The following KLHL3 variants were observed in gnomAD, a reference collection of about 807,000 sequenced individuals.
KLHL3 encodes kelch like family member 3.
Under a neutral mutation model 70.5 loss-of-function variants are expected in KLHL3, and 19 were observed. The ratio of observed to expected loss-of-function variants is 0.27; its 90% CI spans 0.19 to 0.40. The LOEUF (loss-of-function observed/expected upper bound fraction) is 0.40. Ranked by LOEUF, KLHL3 falls within the 10% of genes least tolerant of loss-of-function variation. KLHL3 has a pLI of 1.00. For missense variants in KLHL3, 512 were observed against 771.1 expected, an observed-to-expected ratio of 0.66 and a Z score of 3.98; for synonymous variants, 258 against 290.3, an observed-to-expected ratio of 0.89 and a Z score of 1.13.
chr5:137,647,604 G>A, intron 8 of KLHL3: 1 of 472,454 alleles, frequency 2.1e-6, no homozygotes, highest in Non-Finnish European at 4.4e-6. Context: ...GCCAGGGCAG[G>A]AAGCGAGAGT....
chr5:137,677,729 G>A (rs1046414384), intron 5 of KLHL3, 75 bp from the exon 6 acceptor site: 9 of 918,322 alleles, frequency 9.8e-6, no homozygotes, highest in Non-Finnish European at 1.5e-5. Context: ...GACAATCTGT[G>A]GGATTCACAG....
chr5:137,724,018 G>A (rs1580788214), intron 1 of KLHL3, among the ~76,000 whole-genome samples: 1 of 152,156 alleles, frequency 6.6e-6, no homozygotes, highest in Non-Finnish European at 1.5e-5. Flanking sequence ...GGGTGGAAAG[G>A]GCTCTGGATG....
At chr5:137,720,929 CT>C in intron 1 of KLHL3, 2 of 1,043,510 alleles carry the variant, frequency 1.9e-6, no homozygotes, top group Non-Finnish European at 2.3e-6. Context: ...CAAGCATTTA[CT>C]GGAGGCTACT....
intron 8 of KLHL3, among the ~76,000 whole-genome samples, chr5:137,644,923 T>C (rs1052933257): frequency 1.3e-5 from 2 of 152,148 alleles, no homozygotes; most frequent in Middle Eastern, 3.2e-3. Flanking sequence ...AACAAAATAC[T>C]AGCAAATGAA....
At chr5:137,725,487 A>T (rs1404778169) in intron 1 of KLHL3, among the ~76,000 whole-genome samples, 1 of 152,184 alleles carries the variant, frequency 6.6e-6, no homozygotes, top group South Asian at 2.1e-4. Flanking sequence ...AAGCTACTAC[A>T]CAAAGGAACC....
chr5:137,722,827 C>T (rs1184096129), intron 1 of KLHL3, among the ~76,000 whole-genome samples: 3 of 151,986 alleles, frequency 2.0e-5, no homozygotes, highest in African/African-American at 4.8e-5. Context: ...CCACCACAAC[C>T]GGCTAATTTT....
chr5:137,726,278 G>A (rs1753083650), intron 1 of KLHL3, among the ~76,000 whole-genome samples: 1 of 152,114 alleles, frequency 6.6e-6, no homozygotes, highest in Non-Finnish European at 1.5e-5. Flanking sequence ...AAAATCATCA[G>A]TCTACAGGAT....
At chr5:137,644,479 A>G (rs1179914932) in intron 8 of KLHL3, among the ~76,000 whole-genome samples, 1 of 152,250 alleles carries the variant, frequency 6.6e-6, no homozygotes, top group Non-Finnish European at 1.5e-5. Flanking sequence ...TGAAATAAAC[A>G]TGAGAGTACA....
chr5:137,729,838 G>T (rs1311053767), intron 1 of KLHL3, among the ~76,000 whole-genome samples: 1 of 152,088 alleles, frequency 6.6e-6, no homozygotes. Context: ...GACTCTTGAA[G>T]ATGTCCAGCC....
intron 1 of KLHL3, among the ~76,000 whole-genome samples, chr5:137,732,278 C>A (rs1753190515): frequency 6.6e-6 from 1 of 152,004 alleles, no homozygotes; most frequent in African/African-American, 2.4e-5. Flanking sequence ...GTTCAAGCCA[C>A]AGTGATTCTC....
At chr5:137,650,363 A>C (rs1234860796) in intron 8 of KLHL3, among the ~76,000 whole-genome samples, 2 of 151,642 alleles carry the variant, frequency 1.3e-5, no homozygotes, top group African/African-American at 4.9e-5. Flanking sequence ...GCATTTACTC[A>C]CTCCATTGCA....
chr5:137,651,162 C>G (rs1751191522), intron 8 of KLHL3, among the ~76,000 whole-genome samples: 1 of 152,194 alleles, frequency 6.6e-6, no homozygotes, highest in Non-Finnish European at 1.5e-5. Context: ...GTTATTTCTT[C>G]TTTAAAAATG....
chr5:137,669,468 G>A (rs909107584), intron 6 of KLHL3, among the ~76,000 whole-genome samples: 3 of 151,426 alleles, frequency 2.0e-5, no homozygotes, highest in Admixed American at 1.3e-4. Context: ...TCTGACTTCA[G>A]ATAACCAAAA....
chr5:137,623,542 C>A (rs1400018711), intron 14 of KLHL3, among the ~76,000 whole-genome samples: 1 of 152,078 alleles, frequency 6.6e-6, no homozygotes. Flanking sequence ...TTTCATATAA[C>A]CTTTATCTTA....
chr5:137,652,541 G>A (rs931851414), intron 8 of KLHL3, among the ~76,000 whole-genome samples: 6 of 152,212 alleles, frequency 3.9e-5, no homozygotes, highest in Admixed American at 1.3e-4. Context: ...AGGACATTAC[G>A]TTAAGTGAAA....
chr5:137,699,258 G>A (rs542758972), intron 3 of KLHL3, among the ~76,000 whole-genome samples: 3 of 152,262 alleles, frequency 2.0e-5, no homozygotes, highest in South Asian at 2.1e-4. Flanking sequence ...GGATCCATTC[G>A]TGCAAAGAGA....
chr5:137,650,551 G>A (rs1356353420), intron 8 of KLHL3, among the ~76,000 whole-genome samples: 3 of 152,182 alleles, frequency 2.0e-5, no homozygotes, highest in Non-Finnish European at 2.9e-5. Context: ...AAGGCACGGT[G>A]GCTCATGCCT....
chr5:137,646,447 G>T (rs1415269600), intron 8 of KLHL3, among the ~76,000 whole-genome samples: 1 of 152,216 alleles, frequency 6.6e-6, no homozygotes, highest in Non-Finnish European at 1.5e-5. Flanking sequence ...TGTTGATCAT[G>T]CAGAGTAAAA....
Position 137,633,400 on chromosome 5 carries a change from A to C in KLHL3, c.1450+637T>G, listed in dbSNP as rs143897171. ...ATTAATACAACCTCTATGGAAAAACAGTATGGGGATTTCTCAAAGAACTCA... is the reference window on the plus strand; with the variant it reads ...ATTAATACAACCTCTATGGAAAAACCGTATGGGGATTTCTCAAAGAACTCA... On this transcript the variant is annotated intron_variant, in intron 12 of 14. Transcript: ENST00000309755. Among the ~76,000 whole-genome samples the C allele has an allele frequency of 7.6e-3, 1,160 of 152,274 alleles. 12 individuals carry two copies. The highest frequency in any genetic ancestry group is 0.012 in the Non-Finnish European group (817 of 68,002).
Sources: gnomAD v4.1 joint callset for allele counts (sites outside exome capture counted in the v4.1 genomes callset) on GRCh38, gnomAD v4.1.1 for gene constraint, MANE v1.5 for transcripts, NCBI Gene and HGNC (gene_info 2026-07-23, HGNC 2026-07-21) for gene names.